The following DNAJB1 variants were observed in gnomAD, a reference collection of about 807,000 sequenced individuals.
The protein encoded by DNAJB1 is DnaJ heat shock protein family (Hsp40) member B1.
DNAJB1 carries 14 observed loss-of-function variants against 24.0 expected under a neutral mutation model. The ratio of observed to expected loss-of-function variants is 0.58; its 90% CI spans 0.39 to 0.91. The LOEUF is 0.91. Ranked by LOEUF, DNAJB1 falls within the 40% of genes least tolerant of loss-of-function variation. DNAJB1 has a pLI of 0.00. For synonymous variants in DNAJB1, 262 were observed against 174.4 expected (o/e 1.50, Z -3.96); for missense variants, 517 against 458.1 (o/e 1.13, Z -1.17).
chr19:14,555,658 C>T (rs1008120144), intron 1 of DNAJB1, among the ~76,000 whole-genome samples: 6 of 151,968 alleles, frequency 3.9e-5, no homozygotes, highest in African/African-American at 1.5e-4. Context: ...CCAGGCTGGT[C>T]TCGAACTCCT....
intron 1 of DNAJB1, chr19:14,517,906 G>A (rs917762713): frequency 2.4e-6 from 1 of 408,206 alleles, no homozygotes; most frequent in Non-Finnish European, 4.2e-6. Context: ...GGCGCCCGGG[G>A]AGGGGCAGCC....
At chr19:14,520,603 G>T (rs950689910), upstream of DNAJB1, among the ~76,000 whole-genome samples, 1 of 152,148 alleles carries the variant, frequency 6.6e-6, no homozygotes, top group Non-Finnish European at 1.5e-5. Flanking sequence ...TGGACAACCC[G>T]GGAGGATGGG....
upstream of DNAJB1, among the ~76,000 whole-genome samples, chr19:14,550,502 G>C (rs1342740538): frequency 1.3e-5 from 2 of 152,056 alleles, no homozygotes; most frequent in Admixed American, 1.3e-4. Flanking sequence ...GTCCGACAGC[G>C]CCTTCCTGCC....
At chr19:14,527,127 G>C (rs2072439459) in intron 2 of DNAJB1, among the ~76,000 whole-genome samples, 1 of 141,438 alleles carries the variant, frequency 7.1e-6, no homozygotes, top group Non-Finnish European at 1.5e-5. Context: ...GACACAGAAG[G>C]CCTCAAAACT....
At chr19:14,522,201 A>T (rs2146529547), upstream of DNAJB1, among the ~76,000 whole-genome samples, 1 of 152,268 alleles carries the variant, frequency 6.6e-6, no homozygotes, top group African/African-American at 2.4e-5. Flanking sequence ...TGTTGCTGTG[A>T]AGTTATTATG....
upstream of DNAJB1, among the ~76,000 whole-genome samples, chr19:14,552,046 A>T (rs1423888128): frequency 1.4e-5 from 2 of 145,686 alleles, no homozygotes; most frequent in African/African-American, 5.1e-5. Flanking sequence ...TGGTGCAGTC[A>T]TAACTCAGCC....
Position 14,516,678 on chromosome 19 carries a change from C to T in DNAJB1, c.580G>A (p.Gly194Arg), listed in dbSNP as rs2072268862. ...TTGTCTTCGTTTCGAATGCTCTTTC[C>T]GTCGGGGTTTAGCCGCTTGTGGGAG... ...KISHKRLNPD[G>R]KSIRNEDKIL... The change falls in exon 2 of 3, where the codon GGA becomes AGA. Residue 194 changes from glycine to arginine, a missense_variant. Gly to Arg is a moderately radical substitution (Grantham distance 125, BLOSUM62 -2). Transcript: ENST00000254322. 1.9e-6 allele frequency: 3 copies of T among 1,614,092 alleles called. No individual in the cohort carries two copies. The highest frequency in any genetic ancestry group is 2.5e-6 in the Non-Finnish European group (3 of 1,179,974).
intron 1 of DNAJB1, among the ~76,000 whole-genome samples, chr19:14,542,430 C>G (rs1035974993): frequency 3.7e-5 from 5 of 134,366 alleles, no homozygotes; most frequent in Admixed American, 3.3e-4. Context: ...GGTGCAATCT[C>G]GGCTCACTGC....
intron 1 of DNAJB1, among the ~76,000 whole-genome samples, chr19:14,548,787 C>T (rs1233413202): frequency 6.6e-6 from 1 of 151,978 alleles, no homozygotes; most frequent in Non-Finnish European, 1.5e-5. Context: ...GTTGGCCAGG[C>T]TGGTCTCAAA....
chr19:14,549,466 C>T (rs976530620), intron 1 of DNAJB1, among the ~76,000 whole-genome samples: 7 of 151,944 alleles, frequency 4.6e-5, no homozygotes, highest in African/African-American at 1.7e-4. Flanking sequence ...GTGATCTGCC[C>T]TCCTTGGCCC....
upstream of DNAJB1, among the ~76,000 whole-genome samples, chr19:14,554,380 A>T (rs76177564): frequency 0.025 from 3,848 of 152,240 alleles, 82 homozygotes; most frequent in East Asian, 0.1. Flanking sequence ...CCAGAATCCA[A>T]GCTTCCCGCT....
upstream of DNAJB1, chr19:14,530,020 G>A: frequency 5.9e-6 from 3 of 510,026 alleles, no homozygotes; most frequent in East Asian, 1.0e-4. Flanking sequence ...CTTTGTCATG[G>A]GAGCCACGAA....
chr19:14,544,362 T>A (rs1183311283), intron 1 of DNAJB1, among the ~76,000 whole-genome samples: 1 of 151,930 alleles, frequency 6.6e-6, no homozygotes, highest in South Asian at 2.1e-4. Context: ...AACGAGTATG[T>A]GTATGTTTGA....
rs11671378 is a variant in DNAJB1, at chr19:14,545,410, G to C, written c.-214+4798C>G. 5.2e-4 allele frequency among the ~76,000 whole-genome samples: 77 copies of C among 148,860 alleles called. No homozygotes were observed. In the South Asian group the frequency reaches 0.012, roughly 22 times the overall value. ...CCCACTGTGGCCCTCTGGGCCCTCT[G>C]CACCGCTGTCTCCTCTCCACAGCTC... On this transcript the variant is annotated intron_variant, in intron 1 of 3. Coordinates refer to the DNAJB1 transcript ENST00000676982.
upstream of DNAJB1, among the ~76,000 whole-genome samples, chr19:14,552,145 TTTTCTTTC>T (rs141646907): frequency 7.4e-5 from 11 of 148,264 alleles, no homozygotes; most frequent in East Asian, 4.0e-4. Context: ...GGCCTTTTTC[TTTTCTTTC>T]TTTCTTTCTT....
chr19:14,522,487 G>GAAA (rs60019206), upstream of DNAJB1, among the ~76,000 whole-genome samples: 16 of 59,196 alleles, frequency 2.7e-4, no homozygotes, highest in East Asian at 7.0e-4. Context: ...CTGTCTCGAA[G>GAAA]AAAAAAAAAA....
At chr19:14,550,051 A>G (rs901832169) in intron 1 of DNAJB1, among the ~76,000 whole-genome samples, 4 of 151,908 alleles carry the variant, frequency 2.6e-5, no homozygotes, top group Admixed American at 1.3e-4. Context: ...CTTTGAACAT[A>G]TTACATATAG....
upstream of DNAJB1, among the ~76,000 whole-genome samples, chr19:14,533,012 C>A (rs2072730958): frequency 6.6e-6 from 1 of 151,904 alleles, no homozygotes; most frequent in Admixed American, 6.6e-5. Context: ...GGCTTCGAGG[C>A]TGAGGAATGA....
intron 2 of DNAJB1, among the ~76,000 whole-genome samples, chr19:14,525,592 C>T (rs963935565): frequency 2.0e-5 from 3 of 152,154 alleles, no homozygotes; most frequent in African/African-American, 7.2e-5. Flanking sequence ...CCATTTCACT[C>T]AACCTTCTGG....
Sources: gnomAD v4.1 joint callset for allele counts (sites outside exome capture counted in the v4.1 genomes callset) on GRCh38, gnomAD v4.1.1 for gene constraint, MANE v1.5 for transcripts, NCBI Gene and HGNC (gene_info 2026-07-23, HGNC 2026-07-21) for gene names.